Variants in BCL7B observed in about 807,000 individuals in gnomAD.
BCL7B encodes the protein BAF chromatin remodeling complex subunit BCL7B.
BCL7B carries 11 observed loss-of-function variants against 26.5 expected under a neutral mutation model. The observed-to-expected ratio is 0.42, with a 90% confidence interval of 0.26 to 0.69. The LOEUF is 0.69. BCL7B is among the 30% of genes least tolerant of loss of function. The pLI, the probability that BCL7B is intolerant of heterozygous loss-of-function variation, is 0.28. For synonymous variants in BCL7B, 111 were observed against 107.9 expected (o/e 1.03, Z -0.18); for missense variants, 215 against 264.4 (o/e 0.81, Z 1.30).
At chr7:73,552,807 G>A in intron 1 of BCL7B, among the ~76,000 whole-genome samples, 1 of 151,956 alleles carries the variant, frequency 6.6e-6, no homozygotes, top group African/African-American at 2.4e-5. Context: ...AAAGGATGTG[G>A]GACATAAGGC....
At chr7:73,541,358 C>T (rs782766952) in intron 3 of BCL7B, among the ~76,000 whole-genome samples, 2 of 152,132 alleles carry the variant, frequency 1.3e-5, no homozygotes, top group Admixed American at 6.6e-5. Flanking sequence ...ACTGCCCTGC[C>T]TCCAGTCTCA....
chr7:73,552,103 A>G (rs1176816419), intron 2 of BCL7B, 64 bp downstream of exon 2: 1 of 1,428,586 alleles, frequency 7.0e-7, no homozygotes, highest in Non-Finnish European at 9.7e-7. Flanking sequence ...AAAAAAAAAA[A>G]AAAAGAGGCA....
At chr7:73,556,643 A>T (rs1243489333) in intron 1 of BCL7B, among the ~76,000 whole-genome samples, 1 of 152,110 alleles carries the variant, frequency 6.6e-6, no homozygotes, top group Non-Finnish European at 1.5e-5. Flanking sequence ...CATTTTAGAC[A>T]CGGGGTCTCT....
At chr7:73,556,789 A>T (rs1010013856) in intron 1 of BCL7B, among the ~76,000 whole-genome samples, 2 of 152,242 alleles carry the variant, frequency 1.3e-5, no homozygotes, top group African/African-American at 4.8e-5. Context: ...TGCTACTTGG[A>T]AGTGAGAAAA....
At chr7:73,549,658 A>T (rs1222435542) in intron 2 of BCL7B, among the ~76,000 whole-genome samples, 4 of 152,140 alleles carry the variant, frequency 2.6e-5, no homozygotes, top group Admixed American at 1.3e-4. Context: ...TCCAAAACAA[A>T]CAAAAAAAAG....
rs951137746 is a variant in BCL7B, at chr7:73,553,023, G to A, written c.93-781C>T. On this transcript the variant is annotated intron_variant, in intron 1 of 5. Coordinates refer to ENST00000223368, the MANE Select transcript of BCL7B (RefSeq NM_001707.4). ...TGCAGCCTTGACCTCCTGGGCTCAAGCAATCCTTCCACCTCAGCCTCCTGA... is the reference window on the plus strand; with the variant it reads ...TGCAGCCTTGACCTCCTGGGCTCAAACAATCCTTCCACCTCAGCCTCCTGA... 5.3e-5 allele frequency among the ~76,000 whole-genome samples: 8 copies of A among 151,988 alleles called. No individual in the cohort carries two copies. The South Asian group carries it at 1.7e-3, about 32-fold the overall frequency.
Position 73,557,682 on chromosome 7 carries a change from G to A in BCL7B, c.-104C>T. 1.8e-5 allele frequency: 11 copies of A among 609,382 alleles called. No individual in the cohort carries two copies. The highest frequency in any genetic ancestry group is 2.3e-5 in the Non-Finnish European group (11 of 470,388). 37.7% of individuals were successfully genotyped at this position (609,382 alleles called of 1,614,324 possible). ...CCCGCCGCCGCCGCAGCGTCACAGCGGCCGTCGCCCCCTCCGTGCGCGCGT... is the reference window on the plus strand; with the variant it reads ...CCCGCCGCCGCCGCAGCGTCACAGCAGCCGTCGCCCCCTCCGTGCGCGCGT... On this transcript the variant is annotated 5_prime_UTR_variant, in exon 1 of 6. Coordinates refer to ENST00000223368, the MANE Select transcript of BCL7B (RefSeq NM_001707.4).
chr7:73,539,710 C>T (rs1563422634), intron 4 of BCL7B, 172 bp downstream of exon 4: 3 of 745,100 alleles, frequency 4.0e-6, no homozygotes, highest in Non-Finnish European at 6.2e-6. Flanking sequence ...TTGTTTTCTC[C>T]CTTCCCTCTG....
chr7:73,537,793 C>T, intron 5 of BCL7B, 141 bp downstream of exon 5: 2 of 573,288 alleles, frequency 3.5e-6, no homozygotes, highest in Non-Finnish European at 6.1e-6. Flanking sequence ...GAGGCTGAAA[C>T]AGGAGAATTG....
intron 2 of BCL7B, among the ~76,000 whole-genome samples, chr7:73,546,453 G>A (rs1554583490): frequency 6.6e-6 from 1 of 152,114 alleles, no homozygotes; most frequent in African/African-American, 2.4e-5. Context: ...GATCACTTGA[G>A]GTCAGGAGTT....
At position 73,537,388 on chromosome 7, in the gene BCL7B, G is replaced by T. The variant is rs199739307; in HGVS notation, c.519C>A (p.Val173=). 1.8e-4 allele frequency: 294 copies of T among 1,613,484 alleles called. No individual in the cohort carries two copies. The highest frequency in any genetic ancestry group is 5.5e-4 in the South Asian group (50 of 91,050). The change falls in exon 6 of 6, where the codon GTC becomes GTA. Residue 173 remains valine, a splice_region_variant and synonymous_variant. Transcript: ENST00000223368. ...KEEPVPLETQ[V]VEEEEDSGAP... ...CACCTGAGTCTTCCTCTTCCTCAAC[G>T]ACCTAGGAGCAGGCAGAGCATGGAA...
Position 73,537,356 on chromosome 7 carries a change from G to A in BCL7B, c.551C>T (p.Pro184Leu), listed in dbSNP as rs782735560. ...VEEEEDSGAP[P>L]LKRFCVDQPT... ...TTGGTCCACACAGAAGCGCTTCAGG[G>A]GCGGGGCACCTGAGTCTTCCTCTTC... The change falls in exon 6 of 6, where the codon CCC becomes CTC. Residue 184 changes from proline (P) to leucine (L), a missense_variant. By Grantham distance (98) the Pro-to-Leu change is moderately conservative. Transcript: ENST00000223368. 6.2e-7 allele frequency: 1 copy of A among 1,614,098 alleles called. No individual in the cohort carries two copies. The highest frequency in any genetic ancestry group is 8.5e-7 in the Non-Finnish European group (1 of 1,179,992).
intron 4 of BCL7B, 74 bp downstream of exon 4, chr7:73,539,808 C>A (rs1297899912): frequency 1.3e-6 from 2 of 1,558,602 alleles, no homozygotes; most frequent in South Asian, 1.2e-5. Context: ...GCCTGTTACT[C>A]TAAAGACGAG....
intron 2 of BCL7B, among the ~76,000 whole-genome samples, chr7:73,546,235 A>C (rs1791952926): frequency 6.6e-6 from 1 of 152,200 alleles, no homozygotes; most frequent in Non-Finnish European, 1.5e-5. Flanking sequence ...AGGGAATAAA[A>C]GGTGAGTGCA....
intron 2 of BCL7B, among the ~76,000 whole-genome samples, chr7:73,545,556 G>A (rs1418413450): frequency 6.6e-6 from 1 of 152,104 alleles, no homozygotes; most frequent in Non-Finnish European, 1.5e-5. Flanking sequence ...ATCTACTCCT[G>A]TCTATACACA....
chr7:73,555,584 G>A (rs1375110985), intron 1 of BCL7B, among the ~76,000 whole-genome samples: 1 of 152,086 alleles, frequency 6.6e-6, no homozygotes, highest in Non-Finnish European at 1.5e-5. Flanking sequence ...GAAGAAGAAT[G>A]CCAGGCGGCA....
chr7:73,554,303 C>T (rs1166947211), intron 1 of BCL7B, among the ~76,000 whole-genome samples: 2 of 151,772 alleles, frequency 1.3e-5, no homozygotes, highest in Non-Finnish European at 2.9e-5. Flanking sequence ...AGCGTGCAGG[C>T]AGAGAACAAA....
chr7:73,537,617 G>A (rs570006393), intron 5 of BCL7B, among the ~76,000 whole-genome samples: 2 of 152,276 alleles, frequency 1.3e-5, no homozygotes, highest in South Asian at 4.1e-4. Context: ...GCCGGGCACA[G>A]TGGCTCACAC....
chr7:73,539,331 A>T (rs1791663449), intron 4 of BCL7B, among the ~76,000 whole-genome samples: 1 of 151,084 alleles, frequency 6.6e-6, no homozygotes, highest in South Asian at 2.1e-4. Flanking sequence ...AGCTCACTGT[A>T]ACCTCTGCTT....
Sources: allele counts gnomAD v4.1 joint callset (sites outside exome capture counted in the v4.1 genomes callset), GRCh38; gene constraint gnomAD v4.1.1; transcripts MANE v1.5; gene names NCBI Gene and HGNC (gene_info 2026-07-23, HGNC 2026-07-21).